Variants in SLC9A9 observed in about 807,000 individuals in gnomAD.
The protein encoded by SLC9A9 is solute carrier family 9 member A9, also known as sodium/hydrogen exchanger 9.
Under a neutral mutation model 77.8 loss-of-function variants are expected in SLC9A9, and 62 were observed. The ratio of observed to expected loss-of-function variants is 0.80; its 90% CI spans 0.65 to 0.98. The LOEUF (loss-of-function observed/expected upper bound fraction) is 0.98. Among genes scored for constraint, SLC9A9 ranks in the 50% least tolerant of loss-of-function variants. The pLI, the probability that SLC9A9 is intolerant of heterozygous loss-of-function variation, is 0.00. For missense variants in SLC9A9, 775 were observed against 774.9 expected (o/e 1.00, Z 0.00); for synonymous variants, 320 against 283.5 (o/e 1.13, Z -1.29).
intron 14 of SLC9A9, chr3:143,343,489 A>G (rs1412451100): frequency 6.6e-6 from 1 of 152,164 alleles, no homozygotes; most frequent in African/African-American, 2.4e-5. Context: ...AATCAACGGC[A>G]TGGTTTCCTA....
At chr3:143,595,039 CA>C (rs747414225) in intron 6 of SLC9A9, among the ~76,000 whole-genome samples, 22 of 152,278 alleles carry the variant, frequency 1.4e-4, no homozygotes, top group Non-Finnish European at 7.4e-5. Context: ...CCTATACCAC[CA>C]AAGCAGACTG....
intron 14 of SLC9A9, among the ~76,000 whole-genome samples, chr3:143,280,407 A>G (rs1175706547): frequency 6.6e-6 from 1 of 152,146 alleles, no homozygotes; most frequent in African/African-American, 2.4e-5. Context: ...ATTTTCTTTG[A>G]GCAGACACAA....
chr3:143,622,682 C>T (rs1367374417), intron 6 of SLC9A9, among the ~76,000 whole-genome samples: 8 of 152,150 alleles, frequency 5.3e-5, no homozygotes, highest in African/African-American at 4.8e-5. Flanking sequence ...TAAAGACCAT[C>T]GATGCTAGGA....
chr3:143,298,304 C>T (rs2030366998), intron 14 of SLC9A9, among the ~76,000 whole-genome samples: 1 of 152,198 alleles, frequency 6.6e-6, no homozygotes, highest in South Asian at 2.1e-4. Context: ...TGCAACCTAG[C>T]CCATGTAGAA....
chr3:143,583,351 TA>T (rs1239104544), intron 6 of SLC9A9, among the ~76,000 whole-genome samples: 2 of 152,238 alleles, frequency 1.3e-5, no homozygotes, highest in Non-Finnish European at 2.9e-5. Context: ...TGAAGTATCC[TA>T]AATTCTTTGA....
At chr3:143,698,794 C>T (rs1056032877) in intron 4 of SLC9A9, among the ~76,000 whole-genome samples, 4 of 152,110 alleles carry the variant, frequency 2.6e-5, no homozygotes, top group Non-Finnish European at 5.9e-5. Context: ...AGGAAGTTGT[C>T]AGTTTGGAGA....
intron 4 of SLC9A9, among the ~76,000 whole-genome samples, chr3:143,716,108 TC>T (rs1174352314): frequency 6.6e-6 from 1 of 152,188 alleles, no homozygotes; most frequent in Non-Finnish European, 1.5e-5. Flanking sequence ...AGAATCTTAC[TC>T]TGTTGCCCAG....
intron 12 of SLC9A9, among the ~76,000 whole-genome samples, chr3:143,400,385 G>A (rs2033827058): frequency 6.6e-6 from 1 of 152,142 alleles, no homozygotes; most frequent in Non-Finnish European, 1.5e-5. Context: ...GGCATCCGCA[G>A]GAACCTGGAT....
At chr3:143,515,652 CTGAGAGATTATTTT>C (rs2036193062) in intron 9 of SLC9A9, among the ~76,000 whole-genome samples, 1 of 152,102 alleles carries the variant, frequency 6.6e-6, no homozygotes, top group Admixed American at 6.5e-5. Context: ...TCTGTATCTA[CTGAGAGATTATTTT>C]CTCTTCATTT....
intron 12 of SLC9A9, among the ~76,000 whole-genome samples, chr3:143,450,480 C>G (rs915824788): frequency 1.3e-5 from 2 of 151,668 alleles, no homozygotes; most frequent in African/African-American, 2.4e-5. Flanking sequence ...ATAATTATCT[C>G]TGTGTGAAAG....
chr3:143,308,372 C>T (rs1371461181), intron 14 of SLC9A9, among the ~76,000 whole-genome samples: 6 of 151,998 alleles, frequency 3.9e-5, no homozygotes, highest in South Asian at 2.1e-4. Context: ...GCCAGGAGAT[C>T]GAGACCATCC....
Position 143,518,606 on chromosome 3 carries a change from T to G in SLC9A9, c.1090-23158A>C, listed in dbSNP as rs186059775. ...TGCATATCTTAGTATCACAGAAAAATGTATTATTTGGTTTTTTGTTTTTCA... is the reference window on the plus strand; with the variant it reads ...TGCATATCTTAGTATCACAGAAAAAGGTATTATTTGGTTTTTTGTTTTTCA... On this transcript the variant is annotated intron_variant, in intron 9 of 15. Transcript: ENST00000316549. Among the ~76,000 whole-genome samples, 133 of 152,312 alleles carry G rather than the reference T, an allele frequency of 8.7e-4. 1 individual carries two copies. Among genetic ancestry groups the G allele is most frequent in the African/African-American group, 3.1e-3 (128 of 41,576 alleles).
chr3:143,556,414 A>G (rs79903152), intron 8 of SLC9A9, among the ~76,000 whole-genome samples: 6,876 of 152,288 alleles, frequency 0.045, 244 homozygotes, highest in South Asian at 0.092. Context: ...TCCTGCCAGT[A>G]TGAAGTGCCA....
chr3:143,286,677 C>T (rs1938390471), intron 14 of SLC9A9, among the ~76,000 whole-genome samples: 1 of 152,150 alleles, frequency 6.6e-6, no homozygotes, highest in South Asian at 2.1e-4. Context: ...TGATTCTTCC[C>T]AGTTTAGGGA....
At chr3:143,369,861 C>T (rs2033006107) in intron 13 of SLC9A9, among the ~76,000 whole-genome samples, 1 of 152,116 alleles carries the variant, frequency 6.6e-6, no homozygotes, top group African/African-American at 2.4e-5. Flanking sequence ...AAGTCAGCTG[C>T]CCTGTTGTGA....
intron 11 of SLC9A9, among the ~76,000 whole-genome samples, chr3:143,492,716 T>C (rs902265125): frequency 6.6e-6 from 1 of 152,230 alleles, no homozygotes; most frequent in Non-Finnish European, 1.5e-5. Flanking sequence ...AATTAAAAAA[T>C]AGTGAGTGGC....
intron 9 of SLC9A9, among the ~76,000 whole-genome samples, chr3:143,513,535 T>C (rs2036152871): frequency 6.6e-6 from 1 of 152,214 alleles, no homozygotes; most frequent in Non-Finnish European, 1.5e-5. Flanking sequence ...CTGTTAATGT[T>C]GATATTTTGA....
At chr3:143,805,844 GC>G (rs971312969) in intron 2 of SLC9A9, among the ~76,000 whole-genome samples, 14 of 152,186 alleles carry the variant, frequency 9.2e-5, no homozygotes, top group Admixed American at 8.5e-4. Flanking sequence ...TTCGGACTCA[GC>G]CCGCCTGCAC....
chr3:143,822,589 C>G (rs989231528), intron 2 of SLC9A9, among the ~76,000 whole-genome samples: 3 of 152,196 alleles, frequency 2.0e-5, no homozygotes, highest in African/African-American at 7.2e-5. Context: ...CAGGCTGTAT[C>G]TGTTACTAAA....
Sources: allele counts gnomAD v4.1 joint callset (sites outside exome capture counted in the v4.1 genomes callset), GRCh38; gene constraint gnomAD v4.1.1; transcripts MANE v1.5; gene names NCBI Gene and HGNC (gene_info 2026-07-23, HGNC 2026-07-21).